The following LYZL1 variants were observed in gnomAD, a reference collection of about 807,000 sequenced individuals.
LYZL1 encodes the protein lysozyme like 1, also known as lysozyme-like protein 1.
LYZL1 carries 16 observed loss-of-function variants against 17.9 expected under a neutral mutation model. The observed-to-expected ratio is 0.90, with a 90% CI of 0.61 to 1.36. The LOEUF is 1.36. LYZL1 is among the 40% of genes most tolerant of loss of function. LYZL1 has a pLI of 0.00. For synonymous variants in LYZL1, 58 were observed against 71.8 expected, an observed-to-expected ratio of 0.81 and a Z score of 0.97; for missense variants, 149 against 188.4, an observed-to-expected ratio of 0.79 and a Z score of 1.22.
chr10:29,313,744 A>G (rs150391577), downstream of LYZL1, among the ~76,000 whole-genome samples: 1 of 152,346 alleles, frequency 6.6e-6, no homozygotes, highest in Non-Finnish European at 1.5e-5. Context: ...ATCTTTATTT[A>G]ACAAAAGCAT....
intron 1 of LYZL1, among the ~76,000 whole-genome samples, chr10:29,291,389 G>A (rs570760252): frequency 2.0e-5 from 3 of 151,890 alleles, no homozygotes; most frequent in South Asian, 4.2e-4. Context: ...GGAAGAGGAG[G>A]GGTTGGTCTT....
chr10:29,299,273 A>G (rs532337843), intron 3 of LYZL1, among the ~76,000 whole-genome samples: 9 of 152,266 alleles, frequency 5.9e-5, no homozygotes, highest in African/African-American at 1.9e-4. Flanking sequence ...CCTAACAGAC[A>G]ATGGACTGGT....
exon 5 of LYZL1, chr10:29,318,165 G>C (rs1835752059): frequency 3.0e-6 from 3 of 985,234 alleles, no homozygotes; most frequent in Non-Finnish European, 3.6e-6. Context: ...CTGCTGCTAA[G>C]AATTCCAAAC....
intron 3 of LYZL1, among the ~76,000 whole-genome samples, chr10:29,306,289 G>T (rs1396502048): frequency 6.6e-6 from 1 of 151,096 alleles, no homozygotes; most frequent in Non-Finnish European, 1.5e-5. Flanking sequence ...GGTGGCTCAC[G>T]CCTGTAATCC....
At chr10:29,312,254 A>T (rs1428529865), downstream of LYZL1, among the ~76,000 whole-genome samples, 1 of 152,188 alleles carries the variant, frequency 6.6e-6, no homozygotes, top group Non-Finnish European at 1.5e-5. Context: ...AGAGTTCCCC[A>T]TGTTATTCCA....
At chr10:29,311,552 G>A (rs147216512), downstream of LYZL1, among the ~76,000 whole-genome samples, 2 of 152,162 alleles carry the variant, frequency 1.3e-5, no homozygotes, top group Non-Finnish European at 2.9e-5. Context: ...CTACACGCAC[G>A]CAAGAGACGC....
intron 1 of LYZL1, among the ~76,000 whole-genome samples, chr10:29,289,498 G>A (rs1306759115): frequency 6.8e-6 from 1 of 146,880 alleles, no homozygotes; most frequent in Non-Finnish European, 1.5e-5. Flanking sequence ...GGCTCACTAT[G>A]GCCTCAAACT....
At chr10:29,302,771 C>A (rs979235181) in intron 3 of LYZL1, among the ~76,000 whole-genome samples, 1 of 152,178 alleles carries the variant, frequency 6.6e-6, no homozygotes, top group African/African-American at 2.4e-5. Context: ...CCGTACCCCG[C>A]GGACACAGTT....
chr10:29,295,660 G>A (rs1451305460), intron 3 of LYZL1, among the ~76,000 whole-genome samples: 3 of 152,186 alleles, frequency 2.0e-5, no homozygotes, highest in South Asian at 2.1e-4. Flanking sequence ...GATTATCCGG[G>A]ACAATGTGGG....
chr10:29,298,792 G>A (rs960844207), intron 3 of LYZL1, among the ~76,000 whole-genome samples: 8 of 152,066 alleles, frequency 5.3e-5, no homozygotes, highest in South Asian at 2.1e-4. Flanking sequence ...TATATCAGCC[G>A]TCCCCAACCT....
intron 3 of LYZL1, among the ~76,000 whole-genome samples, chr10:29,302,649 C>A (rs187691855): frequency 6.6e-6 from 1 of 152,154 alleles, no homozygotes; most frequent in African/African-American, 2.4e-5. Context: ...AGTCAAAATG[C>A]GCATGTTCCC....
Position 29,311,005 on chromosome 10 carries a change from A to C in LYZL1, c.393A>C (p.Lys131Asn). 3 of 1,614,164 alleles carry C rather than the reference A, an allele frequency of 1.9e-6. No homozygotes were observed. The highest frequency in any genetic ancestry group is 2.5e-6 in the Non-Finnish European group (3 of 1,180,026). ...QGMNYWQGWK[K>N]HCEGRDLSEW... ...TCATCCTCAGGCAAGGCTGGAAGAA[A>C]CATTGTGAGGGCAGAGACCTGTCCG... The change falls in exon 5 of 5, where the codon AAA becomes AAC. Residue 131 changes from lysine to asparagine, a missense_variant. Transcript: ENST00000649382.
intron 3 of LYZL1, among the ~76,000 whole-genome samples, chr10:29,308,459 A>T (rs1652061455): frequency 6.6e-6 from 1 of 152,082 alleles, no homozygotes; most frequent in African/African-American, 2.4e-5. Flanking sequence ...TCCCTGAGGA[A>T]TATCTAGCAC....
downstream of LYZL1, among the ~76,000 whole-genome samples, chr10:29,313,496 T>G (rs550932195): frequency 6.6e-6 from 1 of 152,290 alleles, no homozygotes; most frequent in South Asian, 2.1e-4. Flanking sequence ...ACTCCAAAAA[T>G]AAGTGTTTTA....
chr10:29,295,576 T>G (rs554509478), intron 3 of LYZL1, among the ~76,000 whole-genome samples: 61 of 152,306 alleles, frequency 4.0e-4, no homozygotes, highest in Admixed American at 1.2e-3. Flanking sequence ...ATCTCTGAAA[T>G]CTCTCACTCT....
intron 3 of LYZL1, among the ~76,000 whole-genome samples, chr10:29,298,857 G>A (rs533021341): frequency 1.3e-5 from 2 of 152,288 alleles, no homozygotes; most frequent in South Asian, 4.1e-4. Context: ...ACCAGAGGGA[G>A]GAGGATGGTT....
intron 3 of LYZL1, among the ~76,000 whole-genome samples, chr10:29,309,236 G>A (rs1835637711): frequency 6.6e-6 from 1 of 151,752 alleles, no homozygotes; most frequent in Non-Finnish European, 1.5e-5. Flanking sequence ...GGCTGCGGCA[G>A]GAGAATTGCT....
intron 3 of LYZL1, among the ~76,000 whole-genome samples, chr10:29,299,089 T>G (rs1835483103): frequency 6.6e-6 from 1 of 152,180 alleles, no homozygotes; most frequent in South Asian, 2.1e-4. Flanking sequence ...CTAGATCCCT[T>G]GCATGCTCAG....
At chr10:29,290,669 T>C (rs774882960) in intron 1 of LYZL1, among the ~76,000 whole-genome samples, 9 of 152,038 alleles carry the variant, frequency 5.9e-5, no homozygotes, top group African/African-American at 1.7e-4. Flanking sequence ...TGAAACCTCA[T>C]CTATACTAGA....
Sources: gnomAD v4.1 joint callset for allele counts (sites outside exome capture counted in the v4.1 genomes callset) on GRCh38, gnomAD v4.1.1 for gene constraint, MANE v1.5 for transcripts, NCBI Gene and HGNC (gene_info 2026-07-23, HGNC 2026-07-21) for gene names.